The following FKBP10 variants were observed in gnomAD, a reference collection of about 807,000 sequenced individuals.
The protein encoded by FKBP10 is FKBP prolyl isomerase 10.
FKBP10 carries 34 observed loss-of-function variants against 53.7 expected under a neutral mutation model. That is an observed-to-expected ratio of 0.63 (90% CI 0.48 to 0.84). The LOEUF (loss-of-function observed/expected upper bound fraction) is 0.84. Among genes scored for constraint, FKBP10 ranks in the 40% least tolerant of loss-of-function variants. The pLI is 0.00. For missense variants in FKBP10, 748 were observed against 797.8 expected (o/e 0.94, Z 0.75); for synonymous variants, 324 against 335.7 (o/e 0.97, Z 0.38).
rs150369085 is a variant in FKBP10, at chr17:41,819,273, C to T, written c.791C>T (p.Pro264Leu). The change falls in exon 5 of 10, where the codon CCG (proline) becomes CTG (leucine). Residue 264 changes from proline (P) to leucine (L), a missense_variant. Coordinates refer to ENST00000321562, the MANE Select transcript of FKBP10 (RefSeq NM_021939.4). ...FHVLLIDVHN[P>L]KDAVQLETLE... The stretch of plus-strand genomic sequence containing the variant: ...GTCCTCCTGATTGACGTGCACAACC[C>T]GAAGGACGCTGTCCAGCTAGAGACG... The T allele has an allele frequency of 9.3e-6, 15 of 1,614,062 alleles. No homozygotes were observed. Among genetic ancestry groups the T allele is most frequent in the Non-Finnish European group, 1.2e-5 (14 of 1,180,054 alleles).
rs1642004879 is a variant in FKBP10 at position 41,821,835 on chromosome 17, C to T, written c.1563+18C>T. The T allele has an allele frequency of 1.2e-6, 2 of 1,613,842 alleles. No homozygotes were observed. Among genetic ancestry groups the T allele is most frequent in the South Asian group, 1.1e-5 (1 of 91,072 alleles). On this transcript the variant is annotated intron_variant, in intron 9 of 9. Transcript: ENST00000321562. Reference sequence around the variant, plus strand: ...CGGAGGAGGTGGGTGAAGGTTCAGTCCTAATAGCCATGCCCACGCAATCCC... The same window carrying T: ...CGGAGGAGGTGGGTGAAGGTTCAGTTCTAATAGCCATGCCCACGCAATCCC...
rs11431436 is a variant in FKBP10, at chr17:41,818,955, C to CAAA, written c.728-238_728-236dup. The CAAA allele has an allele frequency of 4.5e-3, 1,197 of 265,478 alleles. 1 individual carries two copies. The highest frequency in any genetic ancestry group is 6.6e-3 in the South Asian group (207 of 31,256). 16.4% of individuals were successfully genotyped at this position (265,478 alleles called of 1,614,324 possible). ...TGGGTGACAGAGCGAGACTCTGTCT[C>CAAA]AAAAAAAAAAAAAAAAAAAGAAGGG... On this transcript the variant is annotated intron_variant, in intron 4 of 9. Transcript: ENST00000321562.
Position 41,816,813 on chromosome 17 carries a change from A to G in FKBP10, c.246-245A>G, listed in dbSNP as rs12938766. 0.82 allele frequency among the ~76,000 whole-genome samples: 124,356 copies of G among 152,238 alleles called. 51,519 individuals are homozygous for G. Among genetic ancestry groups the G allele is most frequent in the East Asian group, 0.93 (4,832 of 5,174 alleles). On this transcript the variant is annotated intron_variant, in intron 1 of 9. Coordinates refer to ENST00000321562, the MANE Select transcript of FKBP10 (RefSeq NM_021939.4). ...TCCCACCCAACCCCGTCCCAGGGCA[A>G]TAGCAGCCCTTGTCCTCCTCAGGGA...
chr17:41,822,451 G>T lies in FKBP10; in HGVS notation c.*43G>T, dbSNP rs2047905255. ...CAGGCCTGAGACACAGAGGCCCACT[G>T]CGAGGGGGACAGTGGCGGTGGGACT... On this transcript the variant is annotated 3_prime_UTR_variant, in exon 10 of 10. Coordinates refer to ENST00000321562, the MANE Select transcript of FKBP10 (RefSeq NM_021939.4). 1.9e-6 allele frequency: 3 copies of T among 1,563,792 alleles called. No individual in the cohort carries two copies. Among genetic ancestry groups the T allele is most frequent in the Non-Finnish European group, 2.6e-6 (3 of 1,153,512 alleles).
chr17:41,818,955 CAAAA>C (rs11431436), intron 4 of FKBP10: 966 of 264,990 alleles, frequency 3.6e-3, no homozygotes, highest in Middle Eastern at 5.7e-3. Flanking sequence ...GACTCTGTCT[CAAAA>C]AAAAAAAAAA....
At chr17:41,818,969 A>AG in intron 4 of FKBP10, 1 of 515,952 alleles carries the variant, frequency 1.9e-6, no homozygotes, top group South Asian at 2.2e-5. Flanking sequence ...AAAAAAAAAA[A>AG]AAAAAGAAGG....
chr17:41,816,713 C>A (rs915912270), intron 1 of FKBP10, among the ~76,000 whole-genome samples: 1 of 152,134 alleles, frequency 6.6e-6, no homozygotes, highest in Admixed American at 6.5e-5. Flanking sequence ...TAGTAATGCT[C>A]CTCTGCCCCT....
Position 41,819,284 on chromosome 17 carries a change from G to A in FKBP10, c.802G>A (p.Val268Ile), listed in dbSNP as rs2047856753. 5.0e-6 allele frequency: 8 copies of A among 1,614,188 alleles called. No individual in the cohort carries two copies. Among genetic ancestry groups the A allele is most frequent in the Non-Finnish European group, 8.5e-7 (1 of 1,180,026 alleles). Residue 268 changes from valine to isoleucine, a missense_variant, in exon 5 of 10, where the codon GTC becomes ATC. Val to Ile is a conservative substitution (Grantham distance 29). Transcript: ENST00000321562. ...TGACGTGCACAACCCGAAGGACGCTGTCCAGCTAGAGACGCTGGAGCTCCC... is the reference window on the plus strand; with the variant it reads ...TGACGTGCACAACCCGAAGGACGCTATCCAGCTAGAGACGCTGGAGCTCCC... ...LIDVHNPKDAVQLETLELPPG... is the reference protein window; with the variant it reads ...LIDVHNPKDAIQLETLELPPG...
intron 7 of FKBP10, 187 bp downstream of exon 7, chr17:41,820,648 G>A (rs1390504223): frequency 3.1e-5 from 22 of 699,138 alleles, no homozygotes; most frequent in Non-Finnish European, 3.8e-5. Flanking sequence ...TCTCTGCTTC[G>A]CAGGGGAAGG....
intron 7 of FKBP10, 37 bp downstream of exon 7, chr17:41,820,498 T>TG: frequency 3.7e-6 from 6 of 1,605,868 alleles, no homozygotes; most frequent in Non-Finnish European, 5.1e-6. Context: ...GGCAGGTGGG[T>TG]GGGCACAGGC....
Position 41,821,111 on chromosome 17 carries a change from CTTTTTTTTTTTTTTTTT to C in FKBP10, c.1399+35_1399+51del, listed in dbSNP as rs10522999. ...GGAGGTGAGGGGCTGAGACCATAAT[CTTTTTTTTTTTTTTTTT>C]TTTTTTTTTTTTGAGATGGAGTCTG... On this transcript the variant is annotated intron_variant, in intron 8 of 9. Transcript: ENST00000321562. The C allele has an allele frequency of 2.7e-5, 15 of 550,444 alleles. 1 individual carries two copies. Among genetic ancestry groups the C allele is most frequent in the African/African-American group, 8.2e-5 (2 of 24,454 alleles). 34.1% of individuals were successfully genotyped at this position (550,444 alleles called of 1,614,324 possible).
At position 41,816,938 on chromosome 17, in the gene FKBP10, C is replaced by T. The variant is rs2047823280; in HGVS notation, c.246-120C>T. 18 of 1,442,948 alleles carry T rather than the reference C, an allele frequency of 1.2e-5. No homozygotes were observed. The South Asian group carries it at 1.5e-4, about 12-fold the overall frequency. 89.4% of individuals were successfully genotyped at this position (1,442,948 alleles called of 1,614,324 possible). ...TGAGAAGTGTGTGTGCGTATCCACA[C>T]CTGGCTATAGGGAGGGGGGATTGTG... On this transcript the variant is annotated intron_variant, in intron 1 of 9. Transcript: ENST00000321562.
intron 7 of FKBP10, 154 bp from the exon 8 acceptor site, chr17:41,820,793 A>T: frequency 9.1e-7 from 1 of 1,093,342 alleles, no homozygotes; most frequent in Non-Finnish European, 1.3e-6. Flanking sequence ...CCACGTCTGC[A>T]CAGCTGGGCC....
rs781880713 is a variant in FKBP10 at position 41,819,530 on chromosome 17, C to T, written c.918C>T (p.Ser306=). ...CTGGCCCTCCCGCCTTGTATTGCAG[C>T]TACTCCCGCAACCACACCTACAATA... ...SLMDGTLFDS[S]YSRNHTYNTY... is the part of the protein sequence containing the mutation. The change falls in exon 6 of 10, where the codon AGC becomes AGT. Residue 306 remains serine (S), a splice_region_variant and synonymous_variant. Transcript: ENST00000321562. 5.6e-6 allele frequency: 9 copies of T among 1,614,020 alleles called. No homozygotes were observed. The African/African-American group carries it at 1.2e-4, about 22-fold the overall frequency.
At chr17:41,816,954 G>T in intron 1 of FKBP10, 104 bp from the exon 2 acceptor site, 1 of 1,434,400 alleles carries the variant, frequency 7.0e-7, no homozygotes. Context: ...TATAGGGAGG[G>T]GGGATTGTGT....
chr17:41,821,044 C>T lies in FKBP10; in HGVS notation c.1354C>T (p.Arg452Trp), dbSNP rs782633070. ...GLQGMCVGER[R>W]QLIVPPHLAH... ...GCAGGGCATGTGTGTGGGAGAGAGGCGGCAGCTCATCGTGCCCCCGCACCT... is the reference window on the plus strand; with the variant it reads ...GCAGGGCATGTGTGTGGGAGAGAGGTGGCAGCTCATCGTGCCCCCGCACCT... The change falls in exon 8 of 10, where the codon CGG becomes TGG. Residue 452 changes from arginine to tryptophan, a missense_variant. By Grantham distance (101) the Arg-to-Trp change is moderately radical (BLOSUM62 -3). Coordinates refer to ENST00000321562, the MANE Select transcript of FKBP10 (RefSeq NM_021939.4). The T allele has an allele frequency of 5.8e-6, 9 of 1,541,672 alleles. No homozygotes were observed. The highest frequency in any genetic ancestry group is 2.3e-5 in the South Asian group (2 of 87,254).
chr17:41,819,937 C>T, intron 6 of FKBP10: 2 of 1,535,698 alleles, frequency 1.3e-6, no homozygotes, highest in African/African-American at 1.4e-5. Context: ...TATGGAAAAA[C>T]AGAACCAGCA....
rs972039434 is a variant in FKBP10 at position 41,821,946 on chromosome 17, G to A, written c.1563+129G>A. 6.7e-5 allele frequency: 78 copies of A among 1,170,086 alleles called. No homozygotes were observed. In the Admixed American group the frequency reaches 7.8e-4, roughly 12 times the overall value. The allele number at this position is 1,170,086 out of a possible 1,614,324, so 72.5% of individuals were successfully genotyped here. On this transcript the variant is annotated intron_variant, in intron 9 of 9. Coordinates refer to ENST00000321562, the MANE Select transcript of FKBP10 (RefSeq NM_021939.4). ...TGCTCCTGCCTGCGCTGAGTCCCAC[G>A]CCTCAGGCTCCTTGTCCCTGCTTTT...
At chr17:41,816,226 G>GT (rs1597904823) in intron 1 of FKBP10, among the ~76,000 whole-genome samples, 7 of 77,938 alleles carry the variant, frequency 9.0e-5, no homozygotes, top group Non-Finnish European at 1.6e-4. Flanking sequence ...TTTAGAATAG[G>GT]CTTTTTTTTT....
Sources: allele counts gnomAD v4.1 joint callset (sites outside exome capture counted in the v4.1 genomes callset), GRCh38; gene constraint gnomAD v4.1.1; transcripts MANE v1.5; gene names NCBI Gene and HGNC (gene_info 2026-07-23, HGNC 2026-07-21).